HIBCH: variants seen among roughly 807,000 people sequenced by gnomAD.
HIBCH encodes 3-hydroxyisobutyryl-CoA hydrolase, also known as 3-hydroxyisobutyryl-CoA hydrolase, mitochondrial.
Under a neutral mutation model 58.2 loss-of-function variants are expected in HIBCH, and 50 were observed. The ratio of observed to expected loss-of-function variants is 0.86; its 90% CI spans 0.68 to 1.09. The LOEUF (loss-of-function observed/expected upper bound fraction) is 1.09. Ranked by LOEUF, HIBCH falls within the 50% of genes least tolerant of loss-of-function variation. HIBCH has a pLI of 0.00. For missense variants in HIBCH, 450 were observed against 449.7 expected, an observed-to-expected ratio of 1.00 and a Z score of -0.01; for synonymous variants, 151 against 146.9, an observed-to-expected ratio of 1.03 and a Z score of -0.20.
At chr2:190,196,606 T>C (rs942908660) in intron 1 of HIBCH, among the ~76,000 whole-genome samples, 4 of 151,892 alleles carry the variant, frequency 2.6e-5, no homozygotes, top group Non-Finnish European at 5.9e-5. Flanking sequence ...ATGGTAGGCA[T>C]TGTGAATAAT....
At chr2:190,203,678 G>A (rs143879095), downstream of HIBCH, among the ~76,000 whole-genome samples, 60 of 152,180 alleles carry the variant, frequency 3.9e-4, no homozygotes, top group Non-Finnish European at 5.9e-4. Flanking sequence ...AAATGTATCC[G>A]ATATCATGGC....
chr2:190,250,474 C>T (rs1281135306), intron 8 of HIBCH: 2 of 427,736 alleles, frequency 4.7e-6, no homozygotes, highest in Non-Finnish European at 9.6e-6. Flanking sequence ...ATATCCTCTA[C>T]AGCCCTGAGA....
chr2:190,295,509 G>A (rs1157616039), intron 3 of HIBCH, among the ~76,000 whole-genome samples: 1 of 152,130 alleles, frequency 6.6e-6, no homozygotes, highest in South Asian at 2.1e-4. Context: ...TCCACTTGTG[G>A]CATCATGTTG....
intron 5 of HIBCH, among the ~76,000 whole-genome samples, chr2:190,288,088 G>C (rs1687874809): frequency 6.6e-6 from 1 of 151,312 alleles, no homozygotes; most frequent in Admixed American, 6.6e-5. Flanking sequence ...AAGCACAGGA[G>C]GTTGAGGCTG....
downstream of HIBCH, chr2:190,201,867 A>T (rs965929978): frequency 4.8e-5 from 8 of 167,060 alleles, no homozygotes; most frequent in Non-Finnish European, 8.8e-5. Context: ...GGTCATGAAG[A>T]GTAGTTTAGG....
chr2:190,268,204 C>T lies in HIBCH; in HGVS notation c.439-6970G>A, dbSNP rs150487816. Among the ~76,000 whole-genome samples the T allele has an allele frequency of 4.3e-3, 662 of 152,224 alleles. 1 individual carries two copies. The highest frequency in any genetic ancestry group is 7.1e-3 in the Admixed American group (108 of 15,284). On this transcript the variant is annotated intron_variant, in intron 6 of 13. Coordinates refer to ENST00000359678, the MANE Select transcript of HIBCH (RefSeq NM_014362.4). ...ATAAAGGTTTTTGCCATAAAACGTA[C>T]GTCATTGGATATTTAAAAAGTTATA...
chr2:190,319,013 T>G (rs1688779065), intron 1 of HIBCH, among the ~76,000 whole-genome samples: 1 of 152,136 alleles, frequency 6.6e-6, no homozygotes, highest in South Asian at 2.1e-4. Context: ...TAAGTCGTCC[T>G]TATTTTAAAG....
At chr2:190,248,563 C>G (rs1331420895) in intron 9 of HIBCH, among the ~76,000 whole-genome samples, 1 of 152,118 alleles carries the variant, frequency 6.6e-6, no homozygotes, top group Non-Finnish European at 1.5e-5. Flanking sequence ...CTCAGTTGTA[C>G]AAGAAGACTT....
At chr2:190,307,902 G>A (rs900119204) in intron 2 of HIBCH, among the ~76,000 whole-genome samples, 4 of 152,128 alleles carry the variant, frequency 2.6e-5, no homozygotes, top group African/African-American at 7.2e-5. Flanking sequence ...AAGGGTCACC[G>A]TGAATGTCAC....
chr2:190,276,859 C>T (rs1455795293), intron 6 of HIBCH, among the ~76,000 whole-genome samples: 9 of 152,156 alleles, frequency 5.9e-5, no homozygotes, highest in Non-Finnish European at 1.3e-4. Flanking sequence ...AAAAACACTG[C>T]ATTTGCATAG....
intron 7 of HIBCH, among the ~76,000 whole-genome samples, chr2:190,255,548 T>C (rs944473100): frequency 2.0e-5 from 3 of 152,288 alleles, no homozygotes; most frequent in Middle Eastern, 3.4e-3. Context: ...ACACAATATA[T>C]GGATCAATAG....
At chr2:190,240,516 T>C (rs925192517) in intron 11 of HIBCH, among the ~76,000 whole-genome samples, 7 of 152,226 alleles carry the variant, frequency 4.6e-5, no homozygotes, top group Admixed American at 3.3e-4. Context: ...TGTTATTTCC[T>C]GTCTTCTACT....
At chr2:190,289,640 CGTCT>C (rs1393878345) in intron 5 of HIBCH, among the ~76,000 whole-genome samples, 37 of 152,048 alleles carry the variant, frequency 2.4e-4, no homozygotes, top group African/African-American at 8.7e-4. Flanking sequence ...AAAATATTGA[CGTCT>C]GTTAATTCTG....
rs188746716 is a variant in HIBCH at position 190,243,299 on chromosome 2, G to C, written c.891+1588C>G. Among the ~76,000 whole-genome samples the C allele has an allele frequency of 6.6e-6, 1 of 152,252 alleles. No individual in the cohort carries two copies. Among genetic ancestry groups the C allele is most frequent in the Admixed American group, 6.5e-5 (1 of 15,296 alleles). The stretch of plus-strand genomic sequence containing the variant: ...GGATGCTTCCTGCCCTTGAACATCA[G>C]ACCCCAAGTTCTTCAGTTTTGATAC... On this transcript the variant is annotated intron_variant, in intron 11 of 13. Transcript: ENST00000359678. This position sits in a 1 kb window ranked among gnomAD's most constrained non-coding sequence, Gnocchi z 4.1.
chr2:190,243,580 C>T lies in HIBCH; in HGVS notation c.891+1307G>A, dbSNP rs1686514189. 6.6e-6 allele frequency among the ~76,000 whole-genome samples: 1 copy of T among 152,078 alleles called. No homozygotes were observed. The highest frequency in any genetic ancestry group is 6.6e-5 in the Admixed American group (1 of 15,262). ...TTAGGCAAATAAATGGCTGGTCTAC[C>T]TGCTCTAATTTATGCCCATCCTTGA... On this transcript the variant is annotated intron_variant, in intron 11 of 13. Transcript: ENST00000359678. This position sits in a 1 kb window ranked among gnomAD's most constrained non-coding sequence, Gnocchi z 4.1.
chr2:190,248,004 T>G (rs1686657970), intron 9 of HIBCH, among the ~76,000 whole-genome samples: 1 of 152,206 alleles, frequency 6.6e-6, no homozygotes, highest in Non-Finnish European at 1.5e-5. Flanking sequence ...TGGAACCAAA[T>G]TCAGATTCTC....
intron 10 of HIBCH, among the ~76,000 whole-genome samples, chr2:190,245,872 C>A (rs184093840): frequency 2.0e-5 from 3 of 152,092 alleles, no homozygotes; most frequent in African/African-American, 7.2e-5. Flanking sequence ...TGCCTGTAGT[C>A]CCAGCTACTC....
intron 6 of HIBCH, among the ~76,000 whole-genome samples, chr2:190,264,934 C>T (rs747298450): frequency 2.0e-4 from 30 of 151,960 alleles, no homozygotes; most frequent in Non-Finnish European, 3.4e-4. Flanking sequence ...ATCAGCCTAG[C>T]CAACACGGTG....
At chr2:190,253,696 C>A (rs945408447) in intron 7 of HIBCH, among the ~76,000 whole-genome samples, 1 of 152,176 alleles carries the variant, frequency 6.6e-6, no homozygotes, top group Non-Finnish European at 1.5e-5. Context: ...GCTTAAAACC[C>A]TCCCATGGCT....
Sources: gnomAD v4.1 joint callset for allele counts (sites outside exome capture counted in the v4.1 genomes callset) on GRCh38, gnomAD v4.1.1 for gene constraint, Gnocchi (gnomAD v3.1) non-coding constraint, MANE v1.5 for transcripts, NCBI Gene and HGNC (gene_info 2026-07-23, HGNC 2026-07-21) for gene names.